Variants in KLHL1 observed in about 807,000 individuals in gnomAD.
KLHL1 encodes kelch like family member 1, also known as kelch-like protein 1.
In KLHL1, 47 loss-of-function variants were observed where a neutral mutation model predicts 77.7. That is an observed-to-expected ratio of 0.60 (90% CI 0.48 to 0.77). The LOEUF is 0.77. Among genes scored for constraint, KLHL1 ranks in the 30% least tolerant of loss-of-function variants. The probability of loss-of-function intolerance (pLI) is 0.00; values close to 1 mark genes in which losing one functional copy is unlikely to be tolerated. For synonymous variants in KLHL1, 360 were observed against 325.2 expected (o/e 1.11, Z -1.15); for missense variants, 925 against 910.8 (o/e 1.02, Z -0.20).
chr13:69,911,568 GAA>G (rs10717768), intron 4 of KLHL1, among the ~76,000 whole-genome samples: 8,860 of 137,360 alleles, frequency 0.065, 323 homozygotes, highest in African/African-American at 0.1. Context: ...ATATCATCAA[GAA>G]AAAAAAAAAA....
intron 8 of KLHL1, among the ~76,000 whole-genome samples, chr13:69,721,465 A>T (rs1031408101): frequency 2.0e-5 from 3 of 151,582 alleles, no homozygotes; most frequent in African/African-American, 7.3e-5. Context: ...ATTGACTGAG[A>T]CCTGTCTCAG....
At chr13:69,906,332 G>A (rs1045107411) in intron 4 of KLHL1, among the ~76,000 whole-genome samples, 150 of 152,052 alleles carry the variant, frequency 9.9e-4, no homozygotes, top group African/African-American at 3.4e-3. Context: ...AAGGAAAGGC[G>A]TAGGTTCACA....
intron 1 of KLHL1, among the ~76,000 whole-genome samples, chr13:70,037,673 T>A (rs1194429535): frequency 1.3e-5 from 2 of 152,096 alleles, no homozygotes; most frequent in African/African-American, 4.8e-5. Flanking sequence ...TTAACTTTAG[T>A]TTGTTTTAAA....
At chr13:69,851,418 T>G (rs1879684815) in intron 5 of KLHL1, among the ~76,000 whole-genome samples, 1 of 151,762 alleles carries the variant, frequency 6.6e-6, no homozygotes, top group African/African-American at 2.4e-5. Context: ...GAAAGTACGT[T>G]GCACATTCAT....
intron 8 of KLHL1, 134 bp downstream of exon 8, chr13:69,740,260 G>A: frequency 1.6e-6 from 1 of 642,656 alleles, no homozygotes; most frequent in Admixed American, 3.0e-5. Context: ...GTCTTTATTT[G>A]TCAATTTAAA....
chr13:70,061,924 A>T (rs894281424), intron 1 of KLHL1, among the ~76,000 whole-genome samples: 1 of 152,128 alleles, frequency 6.6e-6, no homozygotes, highest in Non-Finnish European at 1.5e-5. Flanking sequence ...CAACTCAAAC[A>T]TTTTTCACTT....
intron 5 of KLHL1, among the ~76,000 whole-genome samples, chr13:69,848,282 T>A (rs548097505): frequency 6.6e-6 from 1 of 151,680 alleles, no homozygotes; most frequent in East Asian, 1.9e-4. Context: ...CCAAAGCTCG[T>A]AGCACTTCAT....
intron 7 of KLHL1, among the ~76,000 whole-genome samples, chr13:69,769,549 C>T (rs752464866): frequency 4.6e-5 from 7 of 151,900 alleles, no homozygotes; most frequent in Non-Finnish European, 7.4e-5. Context: ...GTGAGAACAT[C>T]TATTCCTGTT....
At chr13:69,773,724 G>A (rs1324138297) in intron 7 of KLHL1, among the ~76,000 whole-genome samples, 5 of 151,646 alleles carry the variant, frequency 3.3e-5, no homozygotes, top group African/African-American at 4.8e-5. Context: ...TAAAATTTTT[G>A]AAAATTTCCT....
At chr13:70,089,030 T>G (rs1231646189) in intron 1 of KLHL1, among the ~76,000 whole-genome samples, 2 of 152,132 alleles carry the variant, frequency 1.3e-5, no homozygotes, top group African/African-American at 4.8e-5. Context: ...AGTAATCATG[T>G]GAGTTTACTA....
At chr13:69,783,837 A>G (rs1419111425) in intron 7 of KLHL1, among the ~76,000 whole-genome samples, 1 of 150,576 alleles carries the variant, frequency 6.6e-6, no homozygotes, top group Non-Finnish European at 1.5e-5. Context: ...GAATGCCACA[A>G]AGATACTCCT....
intron 4 of KLHL1, among the ~76,000 whole-genome samples, chr13:69,888,840 A>C (rs905948922): frequency 6.6e-6 from 1 of 152,064 alleles, no homozygotes; most frequent in African/African-American, 2.4e-5. Flanking sequence ...CTTACTTTAA[A>C]AATCTCAAAT....
Position 69,792,838 on chromosome 13 carries a change from A to G in KLHL1, c.1639+3900T>C, listed in dbSNP as rs549990073. 4.6e-5 allele frequency among the ~76,000 whole-genome samples: 7 copies of G among 152,292 alleles called. No individual in the cohort carries two copies. In the South Asian group the frequency reaches 1.4e-3, roughly 32 times the overall value. On this transcript the variant is annotated intron_variant, in intron 7 of 10. Transcript: ENST00000377844. ...TGAAATATTCAGAATGAGCAAATCC[A>G]CAGAGATAAAAAGCAGATTAATTGC...
At chr13:69,893,024 C>G (rs1295747618) in intron 4 of KLHL1, among the ~76,000 whole-genome samples, 1 of 152,038 alleles carries the variant, frequency 6.6e-6, no homozygotes, top group Non-Finnish European at 1.5e-5. Flanking sequence ...AATCACAAGA[C>G]TATATATTCT....
At chr13:69,745,815 T>C (rs1874187106) in intron 7 of KLHL1, among the ~76,000 whole-genome samples, 1 of 151,846 alleles carries the variant, frequency 6.6e-6, no homozygotes, top group African/African-American at 2.4e-5. Flanking sequence ...CTTTTGGTAT[T>C]TCATATGAAT....
At chr13:69,726,997 T>C (rs935102501) in intron 8 of KLHL1, among the ~76,000 whole-genome samples, 1 of 152,150 alleles carries the variant, frequency 6.6e-6, no homozygotes, top group Non-Finnish European at 1.5e-5. Flanking sequence ...AAAAAGCACC[T>C]GTTTAAGTTC....
At chr13:69,826,113 A>G (rs527970477) in intron 6 of KLHL1, among the ~76,000 whole-genome samples, 1 of 152,318 alleles carries the variant, frequency 6.6e-6, no homozygotes, top group East Asian at 1.9e-4. Flanking sequence ...CATAGGAGCT[A>G]AAAAAGTCAA....
At chr13:70,005,160 G>A (rs1397165893) in intron 1 of KLHL1, among the ~76,000 whole-genome samples, 1 of 151,228 alleles carries the variant, frequency 6.6e-6, no homozygotes, top group African/African-American at 2.4e-5. Context: ...TAAATTATGT[G>A]GTTACCAAAG....
chr13:69,881,730 G>C (rs1880997366), intron 5 of KLHL1, among the ~76,000 whole-genome samples: 3 of 151,204 alleles, frequency 2.0e-5, no homozygotes. Flanking sequence ...TTGGTGTCTA[G>C]AGGCTTCTTA....
Sources: allele counts gnomAD v4.1 joint callset (sites outside exome capture counted in the v4.1 genomes callset), GRCh38; gene constraint gnomAD v4.1.1; transcripts MANE v1.5; gene names NCBI Gene and HGNC (gene_info 2026-07-23, HGNC 2026-07-21).